Variants in ATRAID observed in about 807,000 individuals in gnomAD.
The protein encoded by ATRAID is all-trans retinoic acid-induced differentiation factor.
In ATRAID, 26 loss-of-function variants were observed where a neutral mutation model predicts 28.8. The observed-to-expected ratio is 0.90, with a 90% CI of 0.66 to 1.25. The LOEUF (loss-of-function observed/expected upper bound fraction) is 1.25. ATRAID is among the 50% of genes most tolerant of loss of function. The pLI, the probability that ATRAID is intolerant of heterozygous loss-of-function variation, is 0.00. For missense variants in ATRAID, 308 were observed against 285.9 expected, an observed-to-expected ratio of 1.08 and a Z score of -0.56; for synonymous variants, 131 against 108.5, an observed-to-expected ratio of 1.21 and a Z score of -1.29.
rs575594705 is a variant in ATRAID at position 27,216,552 on chromosome 2, C to T, written c.517C>T (p.Pro173Ser). 6.2e-7 allele frequency: 1 copy of T among 1,614,042 alleles called. No individual in the cohort carries two copies. The highest frequency in any genetic ancestry group is 2.2e-5 in the East Asian group (1 of 44,884). ...GTGTCCTGAGAATGGATCTTGTGTACCTGATGGTCCAGGTCTTTTGCAGTG... is the reference window on the plus strand; with the variant it reads ...GTGTCCTGAGAATGGATCTTGTGTATCTGATGGTCCAGGTCTTTTGCAGTG... Reference protein sequence around the residue: ...EMCPENGSCVPDGPGLLQCVC... With the variant: ...EMCPENGSCVSDGPGLLQCVC... Residue 173 changes from proline to serine, a missense_variant, in exon 6 of 7, where the codon CCT becomes TCT. Transcript: ENST00000380171.
chr2:27,216,406 C>A, intron 5 of ATRAID, 117 bp from the exon 6 acceptor site: 3 of 865,072 alleles, frequency 3.5e-6, no homozygotes, highest in Non-Finnish European at 5.7e-6. Flanking sequence ...CTGTAATTTT[C>A]TTTCTTCTTC....
rs201262854 is a variant in ATRAID at position 27,215,531 on chromosome 2, T to G, written c.351T>G (p.Thr117=). 118 of 1,614,228 alleles carry G rather than the reference T, an allele frequency of 7.3e-5. No individual in the cohort carries two copies. In the Middle Eastern group the frequency reaches 1.6e-3, roughly 23 times the overall value. ...GDLANTFRGF[T]QLQTLILPQH... ...TGGCCAACACCTTCCGTGGCTTTAC[T>G]CAGCTCCAGACTCTGTGAGTAAGGG... is the stretch of plus-strand genomic sequence containing the variant. The change falls in exon 4 of 7, where the codon ACT becomes ACG. Residue 117 remains threonine, a synonymous_variant. Transcript: ENST00000380171.
chr2:27,215,200 C>A, intron 2 of ATRAID, 121 bp from the exon 3 acceptor site: 1 of 967,992 alleles, frequency 1.0e-6, no homozygotes, highest in Non-Finnish European at 1.6e-6. Context: ...TAGTGTGTGA[C>A]TCTGAACACA....
intron 1 of ATRAID, chr2:27,212,750 G>GTAA (rs1674638751): frequency 1.1e-6 from 1 of 930,630 alleles, no homozygotes; most frequent in East Asian, 3.4e-5. Context: ...TGCCTCTTGT[G>GTAA]TAATCTCTCT....
rs985734662 is a variant in ATRAID, at chr2:27,212,996, G to A, written c.100-181G>A. On this transcript the variant is annotated intron_variant, in intron 1 of 6. Transcript: ENST00000380171. ...AGCTGATTCGGCGCAGGACTCTGGA[G>A]GAAGAGATGGCATCTCCTAGCCTAG... The A allele has an allele frequency of 8.4e-6, 6 of 711,518 alleles. No homozygotes were observed. The Admixed American group carries it at 1.5e-4, about 18-fold the overall frequency. The allele number at this position is 711,518 out of a possible 1,614,324, so 44.1% of individuals were successfully genotyped here.
At chr2:27,214,185 T>C (rs1034309666) in intron 2 of ATRAID, among the ~76,000 whole-genome samples, 4 of 152,254 alleles carry the variant, frequency 2.6e-5, no homozygotes, top group African/African-American at 9.6e-5. Context: ...GTGCTCTTGT[T>C]CCTCTAACTA....
intron 2 of ATRAID, among the ~76,000 whole-genome samples, chr2:27,214,830 C>T (rs937869892): frequency 2.0e-5 from 3 of 152,238 alleles, no homozygotes; most frequent in African/African-American, 7.2e-5. Flanking sequence ...CCAGCTTGGG[C>T]AACAGAGTAA....
rs201763328 is a variant in ATRAID, at chr2:27,212,397, C to A, written c.29C>A (p.Thr10Lys). ...GCGCCTCACGACCCGGGTAGTCTTACGACCCTGGTGCCCTGGGCTGCCGCC... is the reference window on the plus strand; with the variant it reads ...GCGCCTCACGACCCGGGTAGTCTTAAGACCCTGGTGCCCTGGGCTGCCGCC... MAPHDPGSL[T>K]TLVPWAAALL... Residue 10 changes from threonine to lysine, a missense_variant, in exon 1 of 7, where the codon ACG becomes AAG. Coordinates refer to ENST00000380171, the MANE Select transcript of ATRAID (RefSeq NM_001170795.4). 1 of 1,551,356 alleles carries A rather than the reference C, an allele frequency of 6.4e-7. No individual in the cohort carries two copies. Among genetic ancestry groups the A allele is most frequent in the South Asian group, 1.2e-5 (1 of 84,024 alleles).
intron 2 of ATRAID, chr2:27,213,522 A>C (rs1343402877): frequency 4.9e-6 from 2 of 409,050 alleles, no homozygotes; most frequent in Admixed American, 4.4e-5. Context: ...TACTGAGTGC[A>C]CCCTAACTTC....
intron 5 of ATRAID, 111 bp downstream of exon 5, chr2:27,215,864 G>A: frequency 2.2e-6 from 3 of 1,387,156 alleles, no homozygotes; most frequent in Non-Finnish European, 2.9e-6. Flanking sequence ...GAGTTCTGGG[G>A]CTATAACCCC....
At chr2:27,213,029 C>A (rs1674663223) in intron 1 of ATRAID, 148 bp from the exon 2 acceptor site, 12 of 983,438 alleles carry the variant, frequency 1.2e-5, no homozygotes, top group Admixed American at 2.5e-5. Flanking sequence ...TAGCCTGTTA[C>A]AAGGGTGGGA....
intron 2 of ATRAID, among the ~76,000 whole-genome samples, chr2:27,214,668 A>G (rs1472033713): frequency 6.6e-6 from 1 of 152,168 alleles, no homozygotes; most frequent in Non-Finnish European, 1.5e-5. Context: ...CCTGACCAAC[A>G]TGGTGAAACC....
intron 1 of ATRAID, 28 bp from the exon 2 acceptor site, chr2:27,213,149 A>G: frequency 6.3e-6 from 10 of 1,594,328 alleles, no homozygotes; most frequent in Non-Finnish European, 6.9e-6. Context: ...TTCTTTCTGG[A>G]GTTCTAATGT....
Position 27,212,380 on chromosome 2 carries a change from C to A in ATRAID, c.12C>A (p.His4Gln), listed in dbSNP as rs1406219193. Residue 4 changes from histidine to glutamine, a missense_variant, in exon 1 of 7, where the codon CAC becomes CAA. Transcript: ENST00000380171. ...CAAGGGAACGGAAAATGGCGCCTCACGACCCGGGTAGTCTTACGACCCTGG... is the reference window on the plus strand; with the variant it reads ...CAAGGGAACGGAAAATGGCGCCTCAAGACCCGGGTAGTCTTACGACCCTGG... The part of the protein sequence containing the change: MAP[H>Q]DPGSLTTLVP... 1.3e-6 allele frequency: 2 copies of A among 1,550,442 alleles called. No individual in the cohort carries two copies. The highest frequency in any genetic ancestry group is 2.7e-5 in the African/African-American group (2 of 73,004).
chr2:27,214,076 TCCTG>T (rs1483474199), intron 2 of ATRAID, among the ~76,000 whole-genome samples: 1 of 152,220 alleles, frequency 6.6e-6, no homozygotes, highest in Non-Finnish European at 1.5e-5. Context: ...TTTAAAAACT[TCCTG>T]TAATCTTTAG....
chr2:27,212,607 G>A (rs904913335), intron 1 of ATRAID, 140 bp downstream of exon 1: 5 of 1,433,784 alleles, frequency 3.5e-6, no homozygotes, highest in Non-Finnish European at 4.5e-6. Context: ...TGCCCAGCCA[G>A]GTCCTGTTCC....
intron 6 of ATRAID, 32 bp from the exon 7 acceptor site, chr2:27,216,812 T>C (rs1674861445): frequency 6.4e-7 from 1 of 1,572,594 alleles, no homozygotes; most frequent in Admixed American, 1.7e-5. Context: ...TGTAACGTTG[T>C]ATGGGGGTGT....
chr2:27,216,024 G>T (rs186724508), intron 5 of ATRAID, among the ~76,000 whole-genome samples: 11 of 152,326 alleles, frequency 7.2e-5, no homozygotes, highest in Non-Finnish European at 7.3e-5. Flanking sequence ...GTCAGCAAAG[G>T]GTGGTGGGAT....
intron 2 of ATRAID, 108 bp from the exon 3 acceptor site, chr2:27,215,213 T>G: frequency 9.2e-7 from 1 of 1,086,854 alleles, no homozygotes; most frequent in Admixed American, 1.9e-5. Context: ...TGAACACAGC[T>G]GTGTTCAATT....
Sources: allele counts gnomAD v4.1 joint callset (sites outside exome capture counted in the v4.1 genomes callset), GRCh38; gene constraint gnomAD v4.1.1; transcripts MANE v1.5; gene names NCBI Gene and HGNC (gene_info 2026-07-23, HGNC 2026-07-21).